IGSF10: variants seen among roughly 807,000 people sequenced by gnomAD.
The protein encoded by IGSF10 is immunoglobulin superfamily member 10.
Under a neutral mutation model 128.2 loss-of-function variants are expected in IGSF10, and 126 were observed. That is an observed-to-expected ratio of 0.98 (90% CI 0.85 to 1.14). The LOEUF is 1.14. Among genes scored for constraint, IGSF10 ranks in the 50% most tolerant of loss-of-function variants. The probability of loss-of-function intolerance (pLI) is 0.00; values close to 1 mark genes in which losing one functional copy is unlikely to be tolerated. For synonymous variants in IGSF10, 1,185 were observed against 1,146.2 expected, an observed-to-expected ratio of 1.03 and a Z score of -0.68; for missense variants, 3,295 against 3,149.8, an observed-to-expected ratio of 1.05 and a Z score of -1.10.
At chr3:151,442,740 T>A (rs568813707) in intron 7 of IGSF10, among the ~76,000 whole-genome samples, 158 of 152,224 alleles carry the variant, frequency 1.0e-3, no homozygotes, top group Middle Eastern at 3.4e-3. Flanking sequence ...TGAGATTTTT[T>A]AATTCTGCCT....
At chr3:151,520,464 G>A in the IGSF10 span, among the ~76,000 whole-genome samples, 17 of 151,724 alleles carry the variant, frequency 1.1e-4, no homozygotes, top group East Asian at 3.3e-3. Context: ...GAAGTATTCT[G>A]ATTAAAAACC....
chr3:151,517,011 T>G, the IGSF10 span, among the ~76,000 whole-genome samples: 1 of 152,040 alleles, frequency 6.6e-6, no homozygotes, highest in Non-Finnish European at 1.5e-5. Context: ...CTGGAAGTCT[T>G]CACTCTTCTA....
chr3:151,510,946 A>G, the IGSF10 span, among the ~76,000 whole-genome samples: 2 of 152,240 alleles, frequency 1.3e-5, no homozygotes, highest in African/African-American at 4.8e-5. Flanking sequence ...CAAAGCCTCC[A>G]AGAAATATGG....
At chr3:151,441,979 T>C (rs1338017454) in intron 7 of IGSF10, among the ~76,000 whole-genome samples, 1 of 152,172 alleles carries the variant, frequency 6.6e-6, no homozygotes, top group East Asian at 1.9e-4. Flanking sequence ...GAGAATGGCG[T>C]GAACCTGGGA....
At chr3:151,493,155 G>T in the IGSF10 span, among the ~76,000 whole-genome samples, 1 of 152,192 alleles carries the variant, frequency 6.6e-6, no homozygotes, top group African/African-American at 2.4e-5. Context: ...AGTTACTAGG[G>T]GTGAGGGTAG....
Position 151,443,844 on chromosome 3 carries a change from C to T in IGSF10, c.5103G>A (p.Gln1701=). 2 of 1,613,050 alleles carry T rather than the reference C, an allele frequency of 1.2e-6. No individual in the cohort carries two copies. The highest frequency in any genetic ancestry group is 2.2e-5 in the South Asian group (2 of 91,026). ...LSKRKQNSRV[Q]VLPNGTLSIQ... ...TGGACAGGGTACCATTGGGGAGAAC[C>T]TGGACCCTGCTATTCTGTTTCCTCT... is the stretch of plus-strand genomic sequence containing the variant. The change falls in exon 7 of 8, where the codon CAG becomes CAA. Residue 1701 remains glutamine (Q), a synonymous_variant. Coordinates refer to ENST00000282466, the MANE Select transcript of IGSF10 (RefSeq NM_178822.5).
chr3:151,446,388 A>C lies in IGSF10; in HGVS notation c.3593T>G (p.Phe1198Cys). The C allele has an allele frequency of 6.2e-7, 1 of 1,612,950 alleles. No homozygotes were observed. Among genetic ancestry groups the C allele is most frequent in the Non-Finnish European group, 8.5e-7 (1 of 1,179,070 alleles). ...TTGCCAGGGAATTTTCCTTCTTGAA[A>C]ACCTTGTAATGGCTATAATAGTCAT... is the stretch of plus-strand genomic sequence containing the variant. ...PPMTIIAITR[F>C]SRRKIPWQQN... is the part of the protein sequence containing the mutation. Residue 1198 changes from phenylalanine (F) to cysteine (C), a missense_variant, in exon 6 of 8, where the codon TTT becomes TGT. By Grantham distance (205) the Phe-to-Cys change is radical. Transcript: ENST00000282466.
At chr3:151,492,060 A>G in the IGSF10 span, among the ~76,000 whole-genome samples, 1 of 152,168 alleles carries the variant, frequency 6.6e-6, no homozygotes, top group Admixed American at 6.6e-5. Context: ...AATCGACAAA[A>G]TGAAAAGGCA....
At chr3:151,454,293 C>A (rs1397877344) in intron 4 of IGSF10, among the ~76,000 whole-genome samples, 1 of 152,160 alleles carries the variant, frequency 6.6e-6, no homozygotes, top group African/African-American at 2.4e-5. Context: ...GCTGGGATTA[C>A]AGGCACGAGC....
the IGSF10 span, among the ~76,000 whole-genome samples, chr3:151,476,413 G>A: frequency 0.014 from 2,176 of 151,726 alleles, 19 homozygotes; most frequent in Middle Eastern, 0.031. Flanking sequence ...CCCAAATGAG[G>A]ATGGGGCAAA....
chr3:151,534,766 C>T, the IGSF10 span, among the ~76,000 whole-genome samples: 3 of 151,292 alleles, frequency 2.0e-5, no homozygotes, highest in Non-Finnish European at 4.4e-5. Flanking sequence ...AACAAACCTG[C>T]ACGTTCTGCC....
At chr3:151,463,523 GTTTTTTTTTTTTTTTTTT>G (rs745415781), upstream of IGSF10, among the ~76,000 whole-genome samples, 16 of 31,290 alleles carry the variant, frequency 5.1e-4, no homozygotes, top group South Asian at 7.8e-3. Context: ...ACATTTTCTG[GTTTTTTTTTTTTTTTTTT>G]TTTTTTTTTT....
chr3:151,592,734 A>G, the IGSF10 span, among the ~76,000 whole-genome samples: 1 of 152,214 alleles, frequency 6.6e-6, no homozygotes, highest in Non-Finnish European at 1.5e-5. Context: ...TGAGAGACCT[A>G]TAAATTTAAA....
the IGSF10 span, among the ~76,000 whole-genome samples, chr3:151,581,691 A>G: frequency 6.6e-6 from 1 of 152,216 alleles, no homozygotes; most frequent in Non-Finnish European, 1.5e-5. Context: ...TTAGAAGGTG[A>G]TATCTAAAGC....
rs757283633 is a variant in IGSF10 at position 151,445,220 on chromosome 3, G to A, written c.4761C>T (p.Gly1587=). The change falls in exon 6 of 8, where the codon GGC becomes GGT. Residue 1587 remains glycine (G), a synonymous_variant. Coordinates refer to ENST00000282466, the MANE Select transcript of IGSF10 (RefSeq NM_178822.5). ...CCAACATGCTTACTTCTGGCTTTTT[G>A]CCTTTTTCAGCAATTTCTGAGTATG... ...HKPYSEIAEK[G]KKPEVSMLAT... 4.3e-6 allele frequency: 7 copies of A among 1,614,102 alleles called. No individual in the cohort carries two copies. The highest frequency in any genetic ancestry group is 1.3e-5 in the African/African-American group (1 of 74,934).
the IGSF10 span, among the ~76,000 whole-genome samples, chr3:151,547,019 C>CA: frequency 6.6e-6 from 1 of 152,062 alleles, no homozygotes; most frequent in Non-Finnish European, 1.5e-5. Flanking sequence ...GATCCACCCC[C>CA]CCCTTGGCCT....
upstream of IGSF10, among the ~76,000 whole-genome samples, chr3:151,463,798 C>A (rs543733138): frequency 6.6e-6 from 1 of 151,892 alleles, no homozygotes; most frequent in South Asian, 2.1e-4. Context: ...CCAGCCTGGT[C>A]AACATGGTGA....
intron 7 of IGSF10, among the ~76,000 whole-genome samples, chr3:151,440,091 T>G (rs1331694119): frequency 6.6e-6 from 1 of 152,114 alleles, no homozygotes; most frequent in African/African-American, 2.4e-5. Flanking sequence ...AGTGCAGTGG[T>G]GAGATCACGG....
chr3:151,510,143 G>T, the IGSF10 span, among the ~76,000 whole-genome samples: 1 of 152,228 alleles, frequency 6.6e-6, no homozygotes, highest in African/African-American at 2.4e-5. Context: ...CTCCCAGCAT[G>T]CAGCTGGAGA....
Sources: allele counts gnomAD v4.1 joint callset (sites outside exome capture counted in the v4.1 genomes callset), GRCh38; gene constraint gnomAD v4.1.1; transcripts MANE v1.5; gene names NCBI Gene and HGNC (gene_info 2026-07-23, HGNC 2026-07-21).